The following ATP2C2 variants were observed in gnomAD, a reference collection of about 807,000 sequenced individuals.
ATP2C2 encodes calcium-transporting ATPase type 2C member 2.
Under a neutral mutation model 110.8 loss-of-function variants are expected in ATP2C2, and 171 were observed. The observed-to-expected ratio is 1.54, with a 90% confidence interval of 1.36 to 1.75. The LOEUF is 1.75. Ranked by LOEUF, ATP2C2 falls within the 40% of genes most tolerant of loss-of-function variation. The pLI, the probability that ATP2C2 is intolerant of heterozygous loss-of-function variation, is 0.00. For missense variants in ATP2C2, 1,963 were observed against 1,235.0 expected (o/e 1.59, Z -8.84); for synonymous variants, 804 against 508.4 (o/e 1.58, Z -7.82).
Position 84,463,843 on chromosome 16 carries a change from A to T in ATP2C2, c.*111A>T. 1 of 962,506 alleles carries T rather than the reference A, an allele frequency of 1.0e-6. No homozygotes were observed. The highest frequency in any genetic ancestry group is 1.5e-5 in the South Asian group (1 of 66,794). The allele number at this position is 962,506 out of a possible 1,614,324, so 59.6% of individuals were successfully genotyped here. On this transcript the variant is annotated 3_prime_UTR_variant, in exon 27 of 27. Coordinates refer to ENST00000262429, the MANE Select transcript of ATP2C2 (RefSeq NM_014861.4). ...TTTTAGGAGGCCGCAGCCTTCCATC[A>T]CCGGATCAGTTTTTCCTCTTAGGAA...
At chr16:84,438,345 T>G (rs149506265) in intron 11 of ATP2C2, among the ~76,000 whole-genome samples, 292 of 152,264 alleles carry the variant, frequency 1.9e-3, no homozygotes, top group African/African-American at 6.8e-3. Context: ...CATCATACCT[T>G]TCCACCACTT....
chr16:84,404,793 T>G (rs1259619438), intron 2 of ATP2C2: 1 of 362,462 alleles, frequency 2.8e-6, no homozygotes, highest in Non-Finnish European at 5.4e-6. Context: ...GCTGCACCAT[T>G]TTACATTCCC....
intron 7 of ATP2C2, among the ~76,000 whole-genome samples, chr16:84,419,994 G>A (rs1049484709): frequency 1.3e-5 from 2 of 152,084 alleles, no homozygotes; most frequent in African/African-American, 4.8e-5. Flanking sequence ...GGAGGCCCAA[G>A]CTACTTGTCT....
chr16:84,383,523 C>T (rs532688829), intron 1 of ATP2C2, among the ~76,000 whole-genome samples: 82 of 152,266 alleles, frequency 5.4e-4, no homozygotes, highest in Non-Finnish European at 9.0e-4. Context: ...TACCGTTATT[C>T]TGGAATCATT....
At chr16:84,373,966 C>G (rs1056212573) in intron 1 of ATP2C2, among the ~76,000 whole-genome samples, 1 of 152,214 alleles carries the variant, frequency 6.6e-6, no homozygotes, top group Non-Finnish European at 1.5e-5. Context: ...GACTCAAACT[C>G]AAGTCCAACT....
chr16:84,402,747 A>C (rs1190302618), intron 2 of ATP2C2, among the ~76,000 whole-genome samples: 1 of 152,078 alleles, frequency 6.6e-6, no homozygotes, highest in Non-Finnish European at 1.5e-5. Context: ...ATTGGCCAGT[A>C]GTTTTCTTTT....
intron 4 of ATP2C2, among the ~76,000 whole-genome samples, chr16:84,410,172 G>C (rs1402089144): frequency 6.6e-6 from 1 of 152,178 alleles, no homozygotes; most frequent in Non-Finnish European, 1.5e-5. Context: ...TCACACCACT[G>C]CACTCCAGCC....
chr16:84,455,413 C>T (rs946459078), intron 21 of ATP2C2, among the ~76,000 whole-genome samples: 1 of 152,108 alleles, frequency 6.6e-6, no homozygotes, highest in African/African-American at 2.4e-5. Context: ...TTGAGGCCTG[C>T]GTGTTGATAC....
At chr16:84,416,017 T>TGCC (rs1164699471) in intron 7 of ATP2C2, among the ~76,000 whole-genome samples, 3 of 152,046 alleles carry the variant, frequency 2.0e-5, no homozygotes, top group African/African-American at 7.2e-5. Context: ...CTACTAAAAA[T>TGCC]ACAATAATTA....
At chr16:84,445,285 T>C (rs1404836467) in intron 15 of ATP2C2, among the ~76,000 whole-genome samples, 1 of 151,432 alleles carries the variant, frequency 6.6e-6, no homozygotes, top group East Asian at 1.9e-4. Flanking sequence ...CTCCGCTCAC[T>C]GCAACCTCCG....
At chr16:84,389,648 C>T (rs1348566016) in intron 1 of ATP2C2, among the ~76,000 whole-genome samples, 6 of 151,958 alleles carry the variant, frequency 3.9e-5, no homozygotes, top group African/African-American at 9.7e-5. Flanking sequence ...CTCTGGTCAC[C>T]GCTGTCACCC....
intron 2 of ATP2C2, among the ~76,000 whole-genome samples, chr16:84,401,425 A>G (rs751006018): frequency 6.6e-6 from 1 of 152,016 alleles, no homozygotes; most frequent in Non-Finnish European, 1.5e-5. Flanking sequence ...GGGTTTTGCC[A>G]TGTTGACCAG....
At chr16:84,415,953 G>A (rs967178242) in intron 7 of ATP2C2, among the ~76,000 whole-genome samples, 1 of 152,112 alleles carries the variant, frequency 6.6e-6, no homozygotes, top group Non-Finnish European at 1.5e-5. Context: ...AGAGGCGGGT[G>A]GATCACTTAA....
intron 15 of ATP2C2, among the ~76,000 whole-genome samples, chr16:84,443,647 C>T (rs989742911): frequency 2.1e-4 from 32 of 152,300 alleles, no homozygotes; most frequent in Middle Eastern, 3.4e-3. Flanking sequence ...CTCCTCATCC[C>T]GGGCTCACTT....
Position 84,455,292 on chromosome 16 carries a change from G to A in ATP2C2, c.2147+308G>A, listed in dbSNP as rs137930252. Among the ~76,000 whole-genome samples, 738 of 152,264 alleles carry A rather than the reference G, an allele frequency of 4.8e-3. 2 individuals carry two copies. The highest frequency in any genetic ancestry group is 6.8e-3 in the Middle Eastern group (2 of 294). On this transcript the variant is annotated intron_variant, in intron 21 of 26. Transcript: ENST00000262429. ...ATTTCATGTGGTACTGGGAATGCCC[G>A]CCTGGCTCAGGCTGGTGGGCAGCAG...
rs948451107 is a variant in ATP2C2, at chr16:84,408,450, A to G, written c.373A>G (p.Ser125Gly). 1 of 1,613,670 alleles carries G rather than the reference A, an allele frequency of 6.2e-7. No homozygotes were observed. Among genetic ancestry groups the G allele is most frequent in the Non-Finnish European group, 8.5e-7 (1 of 1,179,988 alleles). The change falls in exon 4 of 27, where the codon AGT becomes GGT. Residue 125 changes from serine to glycine, a missense_variant. Coordinates refer to ENST00000262429, the MANE Select transcript of ATP2C2 (RefSeq NM_014861.4). Reference sequence around the variant, plus strand: ...GCTGCTGCTGGGCTCTGCCCTGGTGAGTGTCCTCACCAAGGAGTATGAGGA... The same window carrying G: ...GCTGCTGCTGGGCTCTGCCCTGGTGGGTGTCCTCACCAAGGAGTATGAGGA... ...ILLLLGSALV[S>G]VLTKEYEDAV...
At chr16:84,430,404 ACTGAGGCAGAC>A (rs1908164848) in intron 11 of ATP2C2, among the ~76,000 whole-genome samples, 1 of 61,758 alleles carries the variant, frequency 1.6e-5, no homozygotes, top group Non-Finnish European at 4.0e-5. Flanking sequence ...ACTTTTGGAC[ACTGAGGCAGAC>A]GGATCACTTG....
chr16:84,375,339 C>G (rs538185012), intron 1 of ATP2C2, among the ~76,000 whole-genome samples: 220 of 152,198 alleles, frequency 1.4e-3, no homozygotes, highest in Non-Finnish European at 2.0e-3. Flanking sequence ...GTCAGGAGTT[C>G]GAGACCAGCC....
chr16:84,460,610 C>G (rs1321296627), intron 23 of ATP2C2, 44 bp from the exon 24 acceptor site: 2 of 1,613,652 alleles, frequency 1.2e-6, no homozygotes, highest in Non-Finnish European at 1.7e-6. Flanking sequence ...TCCTTTATTT[C>G]ATTCCTGGTT....
Sources: allele counts gnomAD v4.1 joint callset (sites outside exome capture counted in the v4.1 genomes callset), GRCh38; gene constraint gnomAD v4.1.1; transcripts MANE v1.5; gene names NCBI Gene and HGNC (gene_info 2026-07-23, HGNC 2026-07-21).